LRRTM3: variants seen among roughly 807,000 people sequenced by gnomAD.
The protein encoded by LRRTM3 is leucine rich repeat transmembrane neuronal 3.
In LRRTM3, 24 loss-of-function variants were observed where a neutral mutation model predicts 44.7. The ratio of observed to expected loss-of-function variants is 0.54; its 90% CI spans 0.39 to 0.76. The LOEUF is 0.76. Ranked by LOEUF, LRRTM3 falls within the 30% of genes least tolerant of loss-of-function variation. The probability of loss-of-function intolerance (pLI) is 0.00; values close to 1 mark genes in which losing one functional copy is unlikely to be tolerated. For missense variants in LRRTM3, 587 were observed against 702.2 expected, an observed-to-expected ratio of 0.84 and a Z score of 1.85; for synonymous variants, 277 against 278.7, an observed-to-expected ratio of 0.99 and a Z score of 0.06.
At chr10:66,951,628 G>T (rs1180379228) in intron 2 of LRRTM3, among the ~76,000 whole-genome samples, 1 of 149,448 alleles carries the variant, frequency 6.7e-6, no homozygotes, top group Non-Finnish European at 1.5e-5. Flanking sequence ...TCTTGCTCCT[G>T]AATCCAAATT....
At chr10:67,030,265 C>T (rs1398941272) in intron 2 of LRRTM3, among the ~76,000 whole-genome samples, 2 of 152,108 alleles carry the variant, frequency 1.3e-5, no homozygotes, top group South Asian at 2.1e-4. Flanking sequence ...CTCTGTTAAA[C>T]AATGTTTAAA....
chr10:66,985,680 C>G (rs1297015696), intron 2 of LRRTM3, among the ~76,000 whole-genome samples: 1 of 152,054 alleles, frequency 6.6e-6, no homozygotes, highest in Non-Finnish European at 1.5e-5. Context: ...GAACCCAATC[C>G]CATTGCCCCT....
At chr10:67,043,329 T>C (rs191116045) in intron 2 of LRRTM3, among the ~76,000 whole-genome samples, 3 of 152,224 alleles carry the variant, frequency 2.0e-5, no homozygotes, top group African/African-American at 7.2e-5. Flanking sequence ...TTCTCCTATG[T>C]TCTCTAGCAA....
chr10:66,940,163 C>T (rs951992398), intron 2 of LRRTM3, among the ~76,000 whole-genome samples: 6 of 152,196 alleles, frequency 3.9e-5, no homozygotes, highest in East Asian at 3.9e-4. Flanking sequence ...AGATGGAAAA[C>T]GTTGTTCTGA....
At chr10:67,009,571 T>A (rs1852198780) in intron 2 of LRRTM3, among the ~76,000 whole-genome samples, 1 of 152,122 alleles carries the variant, frequency 6.6e-6, no homozygotes. Flanking sequence ...TAGTATAATT[T>A]CCCTGAGCGA....
intron 2 of LRRTM3, among the ~76,000 whole-genome samples, chr10:66,936,736 A>G (rs1847722026): frequency 6.6e-6 from 1 of 152,102 alleles, no homozygotes; most frequent in Non-Finnish European, 1.5e-5. Context: ...ATTTGGAAGT[A>G]GTATCCATAT....
chr10:67,069,391 T>C lies in LRRTM3; in HGVS notation c.1537-28196T>C, dbSNP rs561215816. Reference sequence around the variant, plus strand: ...TTGAATATTTCCAAGAATAGGAAGCTTATTAACTCAAAAAACGCTCATTGT... The same window carrying C: ...TTGAATATTTCCAAGAATAGGAAGCCTATTAACTCAAAAAACGCTCATTGT... On this transcript the variant is annotated intron_variant, in intron 2 of 2. Coordinates refer to ENST00000361320, the MANE Select transcript of LRRTM3 (RefSeq NM_178011.5). Among the ~76,000 whole-genome samples the C allele has an allele frequency of 9.2e-5, 14 of 152,250 alleles. No homozygotes were observed. The South Asian group carries it at 2.7e-3, about 29-fold the overall frequency.
intron 2 of LRRTM3, among the ~76,000 whole-genome samples, chr10:67,027,149 T>G (rs1053216610): frequency 6.6e-6 from 1 of 151,434 alleles, no homozygotes; most frequent in South Asian, 2.1e-4. Flanking sequence ...GAGTGCCCAA[T>G]AAGGTGAGAA....
At chr10:66,940,039 G>A (rs1352592783) in intron 2 of LRRTM3, among the ~76,000 whole-genome samples, 1 of 151,916 alleles carries the variant, frequency 6.6e-6, no homozygotes, top group African/African-American at 2.4e-5. Context: ...TCTTTTTAAA[G>A]AGGAACAGTA....
chr10:66,930,884 TTC>T (rs1297306451), intron 2 of LRRTM3, among the ~76,000 whole-genome samples: 9 of 152,094 alleles, frequency 5.9e-5, no homozygotes, highest in African/African-American at 2.2e-4. Flanking sequence ...GGGAAAAAAG[TTC>T]TTTCTTTCTC....
chr10:67,078,903 G>T (rs1418848040), intron 2 of LRRTM3, among the ~76,000 whole-genome samples: 1 of 152,228 alleles, frequency 6.6e-6, no homozygotes, highest in Non-Finnish European at 1.5e-5. Context: ...AAAGCAGAGA[G>T]AGACAGAATA....
intron 2 of LRRTM3, among the ~76,000 whole-genome samples, chr10:67,089,836 C>A (rs1226603808): frequency 6.6e-6 from 1 of 151,698 alleles, no homozygotes; most frequent in East Asian, 1.9e-4. Flanking sequence ...TTGTCCATCC[C>A]TTTCACAAGC....
In LRRTM3 at chr10:66,927,312, G is replaced by A. The variant is rs1847135870; in HGVS notation, c.396G>A (p.Val132=). The change falls in exon 2 of 3, where the codon GTG becomes GTA. Residue 132 remains valine, a synonymous_variant. Transcript: ENST00000361320. This position sits in a 1 kb window ranked among gnomAD's most constrained non-coding sequence, Gnocchi z 4.7. Reference sequence around the variant, plus strand: ...TTCTTAACAATACCTTCAGACCTGTGACAAATTTACGGAACTTGGATCTGT... The same window carrying A: ...TTCTTAACAATACCTTCAGACCTGTAACAAATTTACGGAACTTGGATCTGT... ...SYFLNNTFRP[V]TNLRNLDLSY... 6.2e-7 allele frequency: 1 copy of A among 1,614,132 alleles called. No homozygotes were observed. Among genetic ancestry groups the A allele is most frequent in the Non-Finnish European group, 8.5e-7 (1 of 1,180,040 alleles).
chr10:67,046,131 G>A (rs142414526), intron 2 of LRRTM3, among the ~76,000 whole-genome samples: 2,705 of 152,110 alleles, frequency 0.018, 84 homozygotes, highest in African/African-American at 0.06. Flanking sequence ...GTCTGGACTC[G>A]GTTATCCACA....
chr10:67,024,120 T>C (rs1403698761), intron 2 of LRRTM3, among the ~76,000 whole-genome samples: 1 of 152,192 alleles, frequency 6.6e-6, no homozygotes, highest in Non-Finnish European at 1.5e-5. Flanking sequence ...CTGTGTTCCC[T>C]CCAGAGGTCT....
At chr10:67,022,403 GA>G (rs1853079540) in intron 2 of LRRTM3, among the ~76,000 whole-genome samples, 1 of 151,934 alleles carries the variant, frequency 6.6e-6, no homozygotes, top group Admixed American at 6.6e-5. Flanking sequence ...TAGAGAAGTA[GA>G]AAAGGAAAAT....
chr10:67,012,607 G>A lies in LRRTM3; in HGVS notation c.1536+84155G>A, dbSNP rs574131546. On this transcript the variant is annotated intron_variant, in intron 2 of 2. Transcript: ENST00000361320. ...ACTTGCTTGTCTTCAGGAACCCTAC[G>A]AAGATAAAAATTATCACAATTTATA... Among the ~76,000 whole-genome samples, 4 of 152,058 alleles carry A rather than the reference G, an allele frequency of 2.6e-5. No homozygotes were observed. In the East Asian group the frequency reaches 5.8e-4, roughly 22 times the overall value.
intron 2 of LRRTM3, among the ~76,000 whole-genome samples, chr10:66,964,376 T>C (rs1024187379): frequency 6.6e-6 from 1 of 152,156 alleles, no homozygotes; most frequent in Non-Finnish European, 1.5e-5. Context: ...CTACCTTGTT[T>C]CTCTCATACT....
intron 2 of LRRTM3, among the ~76,000 whole-genome samples, chr10:66,928,813 C>A (rs1228967775): frequency 6.6e-6 from 1 of 152,070 alleles, no homozygotes; most frequent in African/African-American, 2.4e-5. Context: ...CCTGGTGGGA[C>A]CAAATCTACA....
Sources: gnomAD v4.1 joint callset for allele counts (sites outside exome capture counted in the v4.1 genomes callset) on GRCh38, gnomAD v4.1.1 for gene constraint, Gnocchi (gnomAD v3.1) non-coding constraint, MANE v1.5 for transcripts, NCBI Gene and HGNC (gene_info 2026-07-23, HGNC 2026-07-21) for gene names.